The following PPP2R5E variants were observed in gnomAD, a reference collection of about 807,000 sequenced individuals.
The protein encoded by PPP2R5E is protein phosphatase 2 regulatory subunit B'epsilon, also known as serine/threonine-protein phosphatase 2A 56 kDa regulatory subunit epsilon isoform.
PPP2R5E carries 4 observed loss-of-function variants against 65.3 expected under a neutral mutation model. The observed-to-expected ratio is 0.06, with a 90% confidence interval of 0.03 to 0.14. The LOEUF (loss-of-function observed/expected upper bound fraction) is 0.14, where lower values mean the gene tolerates loss of function less well. PPP2R5E is among the 10% of genes least tolerant of loss of function. The pLI, the probability that PPP2R5E is intolerant of heterozygous loss-of-function variation, is 1.00. For synonymous variants in PPP2R5E, 183 were observed against 187.4 expected, an observed-to-expected ratio of 0.98 and a Z score of 0.19; for missense variants, 274 against 556.1, an observed-to-expected ratio of 0.49 and a Z score of 5.10.
chr14:63,479,145 AAAAATCATT>A (rs1890566612), intron 2 of PPP2R5E: 1 of 152,166 alleles, frequency 6.6e-6, no homozygotes, highest in Non-Finnish European at 1.5e-5. Context: ...AAAGAAAGAA[AAAAATCATT>A]AAGAACAATA....
intron 2 of PPP2R5E, among the ~76,000 whole-genome samples, chr14:63,502,589 C>T (rs1891943903): frequency 6.6e-6 from 1 of 152,104 alleles, no homozygotes; most frequent in South Asian, 2.1e-4. Flanking sequence ...ATTGCTTGAA[C>T]CTGGGAAGCA....
intron 2 of PPP2R5E, among the ~76,000 whole-genome samples, chr14:63,488,861 T>A (rs540457590): frequency 6.6e-6 from 1 of 150,466 alleles, no homozygotes; most frequent in South Asian, 2.2e-4. Flanking sequence ...ATAAATAAAT[T>A]AATTTAATTA....
chr14:63,490,713 A>G (rs1254773065), intron 2 of PPP2R5E, among the ~76,000 whole-genome samples: 1 of 152,112 alleles, frequency 6.6e-6, no homozygotes, highest in African/African-American at 2.4e-5. Flanking sequence ...CGGAATGAGT[A>G]CTATTAAAAA....
chr14:63,523,235 A>G (rs1893038016), intron 2 of PPP2R5E, among the ~76,000 whole-genome samples: 2 of 152,060 alleles, frequency 1.3e-5, no homozygotes, highest in South Asian at 4.1e-4. Context: ...AGAACGGGCC[A>G]TGATGACAAT....
chr14:63,530,228 T>C (rs932498091), intron 2 of PPP2R5E, among the ~76,000 whole-genome samples: 4 of 102,098 alleles, frequency 3.9e-5, no homozygotes, highest in Non-Finnish European at 8.2e-5. Context: ...ATTTTTCCGT[T>C]TTTTTTTTTT....
chr14:63,468,912 C>T (rs577592603), intron 2 of PPP2R5E, among the ~76,000 whole-genome samples: 5 of 150,862 alleles, frequency 3.3e-5, no homozygotes, highest in Admixed American at 3.3e-4. Flanking sequence ...CCTTTCTTTT[C>T]CCCACACACT....
At chr14:63,497,933 A>G (rs972955483) in intron 2 of PPP2R5E, among the ~76,000 whole-genome samples, 1 of 152,200 alleles carries the variant, frequency 6.6e-6, no homozygotes, top group Non-Finnish European at 1.5e-5. Context: ...TCTACTGTTC[A>G]ATATTTCTAT....
intron 5 of PPP2R5E, among the ~76,000 whole-genome samples, chr14:63,405,936 A>G (rs540628536): frequency 2.6e-5 from 4 of 152,338 alleles, no homozygotes; most frequent in African/African-American, 9.6e-5. Context: ...ACTATCTTTG[A>G]TAAATCTCTA....
intron 2 of PPP2R5E, among the ~76,000 whole-genome samples, chr14:63,455,830 G>C (rs1889094936): frequency 1.3e-5 from 2 of 151,580 alleles, no homozygotes. Context: ...GCAAGAAAAA[G>C]CTTTTTTTTT....
At chr14:63,495,901 AG>A (rs1891536135) in intron 2 of PPP2R5E, among the ~76,000 whole-genome samples, 2 of 151,874 alleles carry the variant, frequency 1.3e-5, no homozygotes, top group African/African-American at 4.8e-5. Flanking sequence ...ATGTTGCCCG[AG>A]CTGGTCCCAA....
intron 2 of PPP2R5E, among the ~76,000 whole-genome samples, chr14:63,459,346 T>A (rs1423302986): frequency 6.6e-6 from 1 of 152,214 alleles, no homozygotes; most frequent in East Asian, 1.9e-4. Flanking sequence ...AATCCTATTT[T>A]ATTAGTAGAA....
intron 11 of PPP2R5E, among the ~76,000 whole-genome samples, chr14:63,385,488 T>G (rs1160173391): frequency 1.3e-5 from 2 of 152,156 alleles, no homozygotes; most frequent in African/African-American, 4.8e-5. Flanking sequence ...TGGTCCCCTT[T>G]CTTATGTTTT....
chr14:63,418,841 CTTTTTTTTTTTTT>C (rs772740856), intron 4 of PPP2R5E, among the ~76,000 whole-genome samples: 10 of 105,090 alleles, frequency 9.5e-5, no homozygotes, highest in Non-Finnish European at 1.5e-4. Context: ...AATTTTTTTA[CTTTTTTTTTTTTT>C]TTTTTTTTTG....
At chr14:63,448,158 G>A (rs1421955667) in intron 3 of PPP2R5E, among the ~76,000 whole-genome samples, 1 of 152,020 alleles carries the variant, frequency 6.6e-6, no homozygotes, top group Non-Finnish European at 1.5e-5. Flanking sequence ...TTAGCCAGGC[G>A]TGGTGGCGGG....
intron 2 of PPP2R5E, among the ~76,000 whole-genome samples, chr14:63,495,033 G>T (rs569046971): frequency 6.7e-6 from 1 of 148,820 alleles, no homozygotes; most frequent in African/African-American, 2.5e-5. Flanking sequence ...GTGAAACCCC[G>T]TATCTACTAA....
chr14:63,376,222 ATTAACT>A (rs1883975273), intron 13 of PPP2R5E, 114 bp from the exon 14 acceptor site: 2 of 679,796 alleles, frequency 2.9e-6, no homozygotes, highest in Non-Finnish European at 4.7e-6. Flanking sequence ...AATTGAGAAA[ATTAACT>A]TTAAAATTAC....
intron 2 of PPP2R5E, among the ~76,000 whole-genome samples, chr14:63,503,593 T>A (rs1458422421): frequency 6.6e-6 from 1 of 152,192 alleles, no homozygotes; most frequent in Non-Finnish European, 1.5e-5. Context: ...ACACCACATT[T>A]ATATCACATG....
At chr14:63,399,229 G>A (rs575496883) in intron 5 of PPP2R5E, among the ~76,000 whole-genome samples, 2 of 152,208 alleles carry the variant, frequency 1.3e-5, no homozygotes, top group Middle Eastern at 6.8e-3. Context: ...CAAACATCAT[G>A]CTAAGTAAGT....
chr14:63,470,843 A>C (rs1460692166), intron 2 of PPP2R5E, among the ~76,000 whole-genome samples: 5 of 151,494 alleles, frequency 3.3e-5, no homozygotes, highest in Non-Finnish European at 7.4e-5. Context: ...AAAAAAAAAA[A>C]ATTACAGCAT....
Sources: allele counts gnomAD v4.1 joint callset (sites outside exome capture counted in the v4.1 genomes callset), GRCh38; gene constraint gnomAD v4.1.1; transcripts MANE v1.5; gene names NCBI Gene and HGNC (gene_info 2026-07-23, HGNC 2026-07-21).